Variants in C16orf96 observed in about 807,000 individuals in gnomAD.
The protein encoded by C16orf96 is uncharacterized protein C16orf96.
C16orf96 carries 108 observed loss-of-function variants against 103.6 expected under a neutral mutation model. The ratio of observed to expected loss-of-function variants is 1.04; its 90% confidence interval spans 0.89 to 1.22. C16orf96 has a LOEUF of 1.22. C16orf96 is among the 50% of genes most tolerant of loss of function. C16orf96 has a pLI of 0.00. For missense variants in C16orf96, 1,586 were observed against 1,464.2 expected, an observed-to-expected ratio of 1.08 and a Z score of -1.36; for synonymous variants, 566 against 593.5, an observed-to-expected ratio of 0.95 and a Z score of 0.67.
At position 4,575,059 on chromosome 16, in the gene C16orf96, G is replaced by C; in HGVS notation, c.693+1G>C. On this transcript the variant is annotated splice_donor_variant, in intron 4 of 15. Transcript: ENST00000444310. LOFTEE classifies it high-confidence loss of function. ...CCTTCATGATGCCATGTTCACCTCA[G>C]TGAGTGAGGAAGGAAGGGGAGGTTA... is the stretch of plus-strand genomic sequence containing the variant. 6.4e-7 allele frequency: 1 copy of C among 1,551,446 alleles called. No individual in the cohort carries two copies. The highest frequency in any genetic ancestry group is 8.7e-7 in the Non-Finnish European group (1 of 1,146,988).
At position 4,576,247 on chromosome 16, in the gene C16orf96, C is replaced by T. The variant is rs2059507219; in HGVS notation, c.1767C>T (p.Ala589=). 1 of 1,550,692 alleles carries T rather than the reference C, an allele frequency of 6.4e-7. No homozygotes were observed. The highest frequency in any genetic ancestry group is 1.4e-5 in the African/African-American group (1 of 73,070). ...CCACATCCTCCGCTGCCCAGGCAGCCAAAGTTGCTGCCAAGTTTGTCAAGG... is the reference window on the plus strand; with the variant it reads ...CCACATCCTCCGCTGCCCAGGCAGCTAAAGTTGCTGCCAAGTTTGTCAAGG... ...AAATSSAAQA[A]KVAAKFVKDA... is the part of the protein sequence containing the mutation. Residue 589 remains alanine (A), a synonymous_variant, in exon 5 of 16, where the codon GCC becomes GCT. Transcript: ENST00000444310.
At chr16:4,549,292 T>G in the C16orf96 span, among the ~76,000 whole-genome samples, 9 of 151,654 alleles carry the variant, frequency 5.9e-5, no homozygotes, top group East Asian at 5.8e-4. Flanking sequence ...GGCTAACACG[T>G]TGAAACCCCG....
intron 6 of C16orf96, among the ~76,000 whole-genome samples, chr16:4,579,380 C>T (rs1003773176): frequency 1.3e-5 from 2 of 151,828 alleles, no homozygotes; most frequent in African/African-American, 4.8e-5. Flanking sequence ...TAGTGAGATC[C>T]CTTCTCTGCA....
At chr16:4,570,463 C>CTTTT (rs59843201) in intron 1 of C16orf96, among the ~76,000 whole-genome samples, 1 of 91,496 alleles carries the variant, frequency 1.1e-5, no homozygotes. Flanking sequence ...TCACAACACG[C>CTTTT]TTTTTTTTTT....
At chr16:4,592,918 G>A (rs1181105137) in intron 11 of C16orf96, among the ~76,000 whole-genome samples, 1 of 152,116 alleles carries the variant, frequency 6.6e-6, no homozygotes, top group Non-Finnish European at 1.5e-5. Flanking sequence ...CAGGTGATCC[G>A]CCCACCTCAG....
chr16:4,562,951 G>A (rs2059347438), intron 1 of C16orf96: 1 of 1,387,262 alleles, frequency 7.2e-7, no homozygotes. Flanking sequence ...ATATCAATTA[G>A]CACTTTGCCT....
intron 15 of C16orf96, 139 bp from the exon 16 acceptor site, chr16:4,599,961 T>C (rs1330291912): frequency 8.4e-6 from 7 of 831,554 alleles, no homozygotes; most frequent in Non-Finnish European, 1.1e-5. Flanking sequence ...AGGTGAGGTA[T>C]GGTGCCCAGC....
At position 4,556,596 on chromosome 16, in the gene C16orf96, A is replaced by C. The variant is rs1324276352; in HGVS notation, c.107A>C (p.His36Pro). ...LHLLLHGILE[H>P]IHMAELKKVL... ...CTCCTGCTGCACGGCATCTTGGAGC[A>C]CATCCACATGGCCGAGCTCAAGAAA... Residue 36 changes from histidine to proline, a missense_variant, in exon 1 of 16, where the codon CAC becomes CCC. Physicochemically the swap from His to Pro is moderately conservative, Grantham distance 77. Transcript: ENST00000444310. The C allele has an allele frequency of 1.9e-6, 3 of 1,551,722 alleles. No homozygotes were observed. Among genetic ancestry groups the C allele is most frequent in the East Asian group, 2.4e-5 (1 of 40,924 alleles).
In C16orf96 at chr16:4,575,362, TGCCCAAGCAGTTTCACTCA is replaced by T; in HGVS notation, c.885_903del (p.Gln296GlufsTer57). 6.4e-7 allele frequency: 1 copy of T among 1,551,170 alleles called. No homozygotes were observed. The highest frequency in any genetic ancestry group is 8.7e-7 in the Non-Finnish European group (1 of 1,146,996). On this transcript the variant is annotated frameshift_variant, in exon 5 of 16. Coordinates refer to ENST00000444310, the MANE Select transcript of C16orf96 (RefSeq NM_001145011.2). LOFTEE classifies it high-confidence loss of function. ...CAGAGCTCCTCCCGGAGGGCTCATC[TGCCCAAGCAGTTTCACTCA>T]GCAGAGCCCAGGAGCCAGCGCAGCC...
At chr16:4,584,552 C>T (rs1043171759) in intron 7 of C16orf96, among the ~76,000 whole-genome samples, 11 of 146,912 alleles carry the variant, frequency 7.5e-5, no homozygotes, top group African/African-American at 2.5e-4. Context: ...TGTTTTTGTT[C>T]GAGGCAGAAT....
rs970486143 is a variant in C16orf96, at chr16:4,575,775, C to T, written c.1295C>T (p.Ser432Leu). 4.5e-6 allele frequency: 7 copies of T among 1,550,146 alleles called. No homozygotes were observed. Among genetic ancestry groups the T allele is most frequent in the Non-Finnish European group, 6.1e-6 (7 of 1,146,700 alleles). Residue 432 changes from serine (S) to leucine (L), a missense_variant, in exon 5 of 16, where the codon TCA becomes TTA. Transcript: ENST00000444310. ...CCACCACCAGCCACTGAGTTTGGCT[C>T]ATTGTGGCCTCGACCACTCCAGCCA... ...RAPPPATEFG[S>L]LWPRPLQPYQ...
At chr16:4,572,084 G>A (rs1162280297) in intron 2 of C16orf96, among the ~76,000 whole-genome samples, 3 of 150,616 alleles carry the variant, frequency 2.0e-5, no homozygotes, top group African/African-American at 2.4e-5. Context: ...TTCTGACCTC[G>A]TGATCCACCC....
At chr16:4,543,865 C>T in the C16orf96 span, among the ~76,000 whole-genome samples, 2 of 152,130 alleles carry the variant, frequency 1.3e-5, no homozygotes, top group African/African-American at 2.4e-5. Flanking sequence ...TGGTCTCAAA[C>T]TCCTGACTTC....
intron 2 of C16orf96, among the ~76,000 whole-genome samples, chr16:4,572,103 C>G (rs2059445628): frequency 6.6e-6 from 1 of 151,080 alleles, no homozygotes; most frequent in Non-Finnish European, 1.5e-5. Flanking sequence ...CCACCTCAGC[C>G]TCCCAAAGTG....
chr16:4,575,573 G>C lies in C16orf96; in HGVS notation c.1093G>C (p.Ala365Pro). ...GPSVTPGSLP[A>P]PWPVLGPVPA... ...CAGTGTGACACCTGGGTCCTTGCCA[G>C]CACCTTGGCCTGTGCTTGGACCTGT... The change falls in exon 5 of 16, where the codon GCA (alanine) becomes CCA (proline). Residue 365 changes from alanine to proline, a missense_variant. Physicochemically the swap from Ala to Pro is conservative, Grantham distance 27. Coordinates refer to ENST00000444310, the MANE Select transcript of C16orf96 (RefSeq NM_001145011.2). The C allele has an allele frequency of 6.5e-7, 1 of 1,527,130 alleles. No homozygotes were observed. Among genetic ancestry groups the C allele is most frequent in the Non-Finnish European group, 8.8e-7 (1 of 1,138,144 alleles). 94.6% of individuals were successfully genotyped at this position (1,527,130 alleles called of 1,614,324 possible).
Position 4,593,317 on chromosome 16 carries a change from G to A in C16orf96, c.2867+1G>A, listed in dbSNP as rs1475903989. The A allele has an allele frequency of 6.4e-7, 1 of 1,550,468 alleles. No homozygotes were observed. The highest frequency in any genetic ancestry group is 2.0e-5 in the Admixed American group (1 of 50,968). The stretch of plus-strand genomic sequence containing the variant: ...AGTACTTGCAGCGGCAACAGATGAG[G>A]TGAGCAGGATGGGCGCCCCGCAGGG... On this transcript the variant is annotated splice_donor_variant, in intron 12 of 15. Coordinates refer to ENST00000444310, the MANE Select transcript of C16orf96 (RefSeq NM_001145011.2). LOFTEE classifies it high-confidence loss of function. This position sits in a 1 kb window ranked among gnomAD's most constrained non-coding sequence, Gnocchi z 4.2.
chr16:4,566,898 T>C (rs180864684), intron 1 of C16orf96, among the ~76,000 whole-genome samples: 5 of 152,324 alleles, frequency 3.3e-5, no homozygotes, highest in Admixed American at 3.3e-4. Flanking sequence ...AGTCTGATTC[T>C]TGGCCAATCT....
At chr16:4,541,826 A>T in the C16orf96 span, among the ~76,000 whole-genome samples, 3 of 152,194 alleles carry the variant, frequency 2.0e-5, no homozygotes, top group Non-Finnish European at 4.4e-5. Flanking sequence ...GTGTATATTA[A>T]CTAAGTTGCC....
intron 1 of C16orf96, among the ~76,000 whole-genome samples, chr16:4,566,281 A>G (rs568167815): frequency 6.6e-6 from 1 of 152,336 alleles, no homozygotes; most frequent in African/African-American, 2.4e-5. Flanking sequence ...TGGCTGCACA[A>G]TTTACATTCC....
Sources: gnomAD v4.1 joint callset for allele counts (sites outside exome capture counted in the v4.1 genomes callset) on GRCh38, gnomAD v4.1.1 for gene constraint, Gnocchi (gnomAD v3.1) non-coding constraint, MANE v1.5 for transcripts, NCBI Gene and HGNC (gene_info 2026-07-23, HGNC 2026-07-21) for gene names.